PAX1: variants seen among roughly 807,000 people sequenced by gnomAD.
PAX1 encodes paired box 1.
PAX1 carries 18 observed loss-of-function variants against 35.6 expected under a neutral mutation model. The observed-to-expected ratio is 0.50, with a 90% confidence interval of 0.35 to 0.75. PAX1 has a LOEUF of 0.75. Among genes scored for constraint, PAX1 ranks in the 30% least tolerant of loss-of-function variants. The pLI is 0.01. For synonymous variants in PAX1, 397 were observed against 305.2 expected (o/e 1.30, Z -3.14); for missense variants, 760 against 661.5 (o/e 1.15, Z -1.63).
In PAX1 at chr20:21,708,668, C is replaced by T. The variant is rs1337512863; in HGVS notation, c.1027C>T (p.Pro343Ser). The T allele has an allele frequency of 1.2e-6, 2 of 1,613,620 alleles. No homozygotes were observed. The highest frequency in any genetic ancestry group is 1.7e-5 in the Admixed American group (1 of 60,030). ...CCCCGCAGTGAATGGGCTAGAGAAA[C>T]CTGCCTTAGAGGCAGACATTAAATA... The part of the protein sequence containing the change: ...ATPAVNGLEK[P>S]ALEADIKYTQ... The change falls in exon 3 of 5, where the codon CCT becomes TCT. Residue 343 changes from proline (P) to serine (S), a missense_variant. By Grantham distance (74) the Pro-to-Ser change is moderately conservative (BLOSUM62 -1). Transcript: ENST00000613128.
In PAX1 at chr20:21,705,677, T is replaced by A. The variant is rs1037783809; in HGVS notation, c.-36T>A. The A allele has an allele frequency of 8.1e-7, 1 of 1,228,892 alleles. No homozygotes were observed. The highest frequency in any genetic ancestry group is 1.6e-5 in the African/African-American group (1 of 63,684). The allele number at this position is 1,228,892 out of a possible 1,614,324, so 76.1% of individuals were successfully genotyped here. On this transcript the variant is annotated 5_prime_UTR_variant, in exon 1 of 5. Coordinates refer to ENST00000613128, the MANE Select transcript of PAX1 (RefSeq NM_001257096.2). ...ACACGTCAAATTGATTCCCGCACGC[T>A]GCAGCCTCCCGGTCAGACGAATTTC... is the stretch of plus-strand genomic sequence containing the variant.
chr20:21,712,669 T>C (rs1985232582), intron 4 of PAX1, among the ~76,000 whole-genome samples: 1 of 152,266 alleles, frequency 6.6e-6, no homozygotes, highest in Non-Finnish European at 1.5e-5. Flanking sequence ...GTATTGCTTT[T>C]ATTTGTTAAA....
At chr20:21,708,195 A>G (rs964583055) in intron 2 of PAX1, 1 of 409,780 alleles carries the variant, frequency 2.4e-6, no homozygotes, top group Non-Finnish European at 4.6e-6. Flanking sequence ...ATGTTGAGAA[A>G]TCAATACAAT....
At position 21,706,117 on chromosome 20, in the gene PAX1, T is replaced by C; in HGVS notation, c.286+119T>C. 1.1e-6 allele frequency: 1 copy of C among 878,466 alleles called. No individual in the cohort carries two copies. The highest frequency in any genetic ancestry group is 1.8e-6 in the Non-Finnish European group (1 of 562,658). The allele number at this position is 878,466 out of a possible 1,614,324, so 54.4% of individuals were successfully genotyped here. ...ACCCAGTCCTGGGTCCTGGAGAAGCTGCATTCTCCTCTGATCCCCAGCCTT... is the reference window on the plus strand; with the variant it reads ...ACCCAGTCCTGGGTCCTGGAGAAGCCGCATTCTCCTCTGATCCCCAGCCTT... On this transcript the variant is annotated intron_variant, in intron 1 of 4. Coordinates refer to ENST00000613128, the MANE Select transcript of PAX1 (RefSeq NM_001257096.2). The surrounding 1 kb of genome is among the most constrained non-coding windows in gnomAD (Gnocchi z 5.3).
At chr20:21,708,437 G>A (rs1327620131) in intron 2 of PAX1, 121 bp from the exon 3 acceptor site, 1 of 1,128,410 alleles carries the variant, frequency 8.9e-7, no homozygotes, top group East Asian at 2.3e-5. Context: ...GGAGTGTCAG[G>A]CCACCTACAA....
At chr20:21,708,415 C>A (rs1985084269) in intron 2 of PAX1, 143 bp from the exon 3 acceptor site, 1 of 929,598 alleles carries the variant, frequency 1.1e-6, no homozygotes, top group Non-Finnish European at 1.8e-6. Context: ...CCAGTCCCTG[C>A]CGCCTCCTGG....
In PAX1 at chr20:21,705,857, G is replaced by T. The variant is rs1984963490; in HGVS notation, c.145G>T (p.Gly49Cys). 3 of 1,376,154 alleles carry T rather than the reference G, an allele frequency of 2.2e-6. No individual in the cohort carries two copies. The highest frequency in any genetic ancestry group is 2.8e-6 in the Non-Finnish European group (3 of 1,060,722). 85.2% of individuals were successfully genotyped at this position (1,376,154 alleles called of 1,614,324 possible). A position where few individuals can be genotyped will look rare whatever the true frequency, so the allele number is the denominator to read the frequency against. ...CTCCAGCCCGCGGCTGGGCCGCCGC[G>T]GCTCTCGGCTCTCGGGCGCCCTCCC... The part of the protein sequence containing the change: ...RVSSPRLGRR[G>C]SRLSGALPLC... Residue 49 changes from glycine (G) to cysteine (C), a missense_variant, in exon 1 of 5, where the codon GGC (glycine) becomes TGC (cysteine). Physicochemically the swap from Gly to Cys is radical, Grantham distance 159. Transcript: ENST00000613128.
chr20:21,708,581 A>G lies in PAX1; in HGVS notation c.940A>G (p.Thr314Ala), dbSNP rs750255614. ...AGGGGCCCTGGCTGGGAGCGAAGGC[A>G]CCGCTTACTCTCCCAAGATGGAAGA... is the stretch of plus-strand genomic sequence containing the variant. ...QTGALAGSEGTAYSPKMEDWA... is the reference protein window; with the variant it reads ...QTGALAGSEGAAYSPKMEDWA... Residue 314 changes from threonine to alanine, a missense_variant, in exon 3 of 5, where the codon ACC becomes GCC. Physicochemically the swap from Thr to Ala is moderately conservative, Grantham distance 58. This residue lies in a region of PAX1 where 490 missense variants were observed against 428.4 expected (regional missense o/e 1.14). Coordinates refer to ENST00000613128, the MANE Select transcript of PAX1 (RefSeq NM_001257096.2). The G allele has an allele frequency of 1.9e-6, 3 of 1,613,754 alleles. No individual in the cohort carries two copies. In the South Asian group the frequency reaches 3.3e-5, roughly 18 times the overall value.
At chr20:21,708,374 T>C in intron 2 of PAX1, 184 bp from the exon 3 acceptor site, 1 of 775,528 alleles carries the variant, frequency 1.3e-6, no homozygotes, top group East Asian at 2.5e-5. Context: ...CTGGCTGCCT[T>C]TCCTCCGCCC....
In PAX1 at chr20:21,717,885, G is replaced by A. The variant is rs1178663816; in HGVS notation, c.*3323G>A. ...CTCATTTTTGTTCTTAAAGGTGAAT[G>A]CTGTTATAGTCTTTTGTGAATCTTT... On this transcript the variant is annotated 3_prime_UTR_variant, in exon 5 of 5. Coordinates refer to ENST00000613128, the MANE Select transcript of PAX1 (RefSeq NM_001257096.2). 6.6e-6 allele frequency: 1 copy of A among 152,150 alleles called. No homozygotes were observed. The highest frequency in any genetic ancestry group is 1.5e-5 in the Non-Finnish European group (1 of 68,044). 9.4% of individuals were successfully genotyped at this position (152,150 alleles called of 1,614,324 possible). A position where few individuals can be genotyped will look rare whatever the true frequency, so the allele number is the denominator to read the frequency against.
In PAX1 at chr20:21,709,419, G is replaced by T; in HGVS notation, c.1257G>T (p.Met419Ile). 1.3e-6 allele frequency: 2 copies of T among 1,540,504 alleles called. No individual in the cohort carries two copies. Among genetic ancestry groups the T allele is most frequent in the South Asian group, 2.4e-5 (2 of 83,850 alleles). Residue 419 changes from methionine (M) to isoleucine (I), a missense_variant, in exon 4 of 5, where the codon ATG becomes ATT. Physicochemically the swap from Met to Ile is conservative, Grantham distance 10. This residue lies in a region of PAX1 where 490 missense variants were observed against 428.4 expected (regional missense o/e 1.14). Coordinates refer to ENST00000613128, the MANE Select transcript of PAX1 (RefSeq NM_001257096.2). The part of the protein sequence containing the change: ...AVHGGELAAA[M>I]TFKHPSREVA... ...ATGGCGGGGAACTCGCGGCAGCAATGACCTTCAAGCATCCCAGCCGAGAAG... is the reference window on the plus strand; with the variant it reads ...ATGGCGGGGAACTCGCGGCAGCAATTACCTTCAAGCATCCCAGCCGAGAAG...
chr20:21,706,887 C>G lies in PAX1; in HGVS notation c.736C>G (p.Leu246Val). Residue 246 changes from leucine (L) to valine (V), a missense_variant, in exon 2 of 5, where the codon CTG (leucine) becomes GTG (valine). Coordinates refer to ENST00000613128, the MANE Select transcript of PAX1 (RefSeq NM_001257096.2). The surrounding 1 kb of genome is among the most constrained non-coding windows in gnomAD (Gnocchi z 5.3). ...ASKQPPSQPT[L>V]PYNHIYQYPY... ...TAAGCAGCCGCCGTCGCAGCCTACG[C>G]TGCCCTACAACCACATCTACCAGTA... The G allele has an allele frequency of 6.2e-7, 1 of 1,613,506 alleles. No homozygotes were observed. The highest frequency in any genetic ancestry group is 8.5e-7 in the Non-Finnish European group (1 of 1,180,000).
intron 4 of PAX1, among the ~76,000 whole-genome samples, chr20:21,711,703 G>T (rs973039804): frequency 6.6e-6 from 1 of 152,174 alleles, no homozygotes; most frequent in East Asian, 1.9e-4. Context: ...GTTTGTGTTC[G>T]AACAGGAATG....
chr20:21,708,539 C>T lies in PAX1; in HGVS notation c.917-19C>T. 12 of 1,612,958 alleles carry T rather than the reference C, an allele frequency of 7.4e-6. No homozygotes were observed. In the East Asian group the frequency reaches 2.5e-4, roughly 33 times the overall value. On this transcript the variant is annotated intron_variant, in intron 2 of 4. Transcript: ENST00000613128. ...GCAGATTCGGAGGCACCTTTTAATC[C>T]GTCCTCTCTCTCCTGCAGGGGCCCT...
In PAX1 at chr20:21,706,855, A is replaced by C. The variant is rs1985024161; in HGVS notation, c.704A>C (p.Glu235Ala). 2 of 1,613,208 alleles carry C rather than the reference A, an allele frequency of 1.2e-6. No individual in the cohort carries two copies. The highest frequency in any genetic ancestry group is 2.2e-5 in the South Asian group (2 of 91,086). The change falls in exon 2 of 5, where the codon GAG (glutamate) becomes GCG (alanine). Residue 235 changes from glutamate to alanine, a missense_variant. Coordinates refer to ENST00000613128, the MANE Select transcript of PAX1 (RefSeq NM_001257096.2). The surrounding 1 kb of genome is among the most constrained non-coding windows in gnomAD (Gnocchi z 5.3). Reference sequence around the variant, plus strand: ...AGCCTGGCGCAGCCCGGACCGTACGAGGCAAGTAAGCAGCCGCCGTCGCAG... The same window carrying C: ...AGCCTGGCGCAGCCCGGACCGTACGCGGCAAGTAAGCAGCCGCCGTCGCAG... Reference protein sequence around the residue: ...IGSLAQPGPYEASKQPPSQPT... With the variant: ...IGSLAQPGPYAASKQPPSQPT...
intron 4 of PAX1, among the ~76,000 whole-genome samples, 172 bp downstream of exon 4, chr20:21,709,616 T>C (rs1393168251): frequency 1.3e-5 from 2 of 152,090 alleles, no homozygotes; most frequent in Non-Finnish European, 2.9e-5. Context: ...GCAGATTAGT[T>C]CTGACAGGTG....
Position 21,706,016 on chromosome 20 carries a change from G to T in PAX1, c.286+18G>T, listed in dbSNP as rs1438325554. On this transcript the variant is annotated intron_variant, in intron 1 of 4. Coordinates refer to ENST00000613128, the MANE Select transcript of PAX1 (RefSeq NM_001257096.2). This position sits in a 1 kb window ranked among gnomAD's most constrained non-coding sequence, Gnocchi z 5.3. ...CGCTATGGGTAAGGGGCGGGCGACA[G>T]GCAGGGCTCGGGAGGGCTGATGAGG... 3 of 1,461,382 alleles carry T rather than the reference G, an allele frequency of 2.1e-6. No individual in the cohort carries two copies. The highest frequency in any genetic ancestry group is 2.7e-6 in the Non-Finnish European group (3 of 1,115,336). The allele number at this position is 1,461,382 out of a possible 1,614,324, so 90.5% of individuals were successfully genotyped here.
chr20:21,713,003 G>A (rs1422417649), intron 4 of PAX1, among the ~76,000 whole-genome samples: 2 of 152,244 alleles, frequency 1.3e-5, no homozygotes, highest in East Asian at 1.9e-4. Flanking sequence ...CCTATGGAGG[G>A]AATGGAGGGC....
rs1213639700 is a variant in PAX1, at chr20:21,708,574, C to T, written c.933C>T (p.Ser311=). ...FMEQTGALAG[S]EGTAYSPKME... is the part of the protein sequence containing the mutation. ...CTCCTGCAGGGGCCCTGGCTGGGAG[C>T]GAAGGCACCGCTTACTCTCCCAAGA... Residue 311 remains serine (S), a synonymous_variant, in exon 3 of 5, where the codon AGC becomes AGT. Coordinates refer to ENST00000613128, the MANE Select transcript of PAX1 (RefSeq NM_001257096.2). The T allele has an allele frequency of 6.2e-7, 1 of 1,613,730 alleles. No individual in the cohort carries two copies. Among genetic ancestry groups the T allele is most frequent in the Non-Finnish European group, 8.5e-7 (1 of 1,180,010 alleles).
Sources: allele counts gnomAD v4.1 joint callset (sites outside exome capture counted in the v4.1 genomes callset), GRCh38; gene constraint gnomAD v4.1.1; regional missense constraint gnomAD v4.1.1; non-coding constraint Gnocchi (gnomAD v3.1); transcripts MANE v1.5; gene names NCBI Gene and HGNC (gene_info 2026-07-23, HGNC 2026-07-21).